Variants in SGCD observed in about 807,000 individuals in gnomAD.
The protein encoded by SGCD is delta-sarcoglycan.
A neutral mutation model predicts 36.6 loss-of-function variants in SGCD; 18 were observed. The ratio of observed to expected loss-of-function variants is 0.49; its 90% CI spans 0.34 to 0.73. The LOEUF (loss-of-function observed/expected upper bound fraction) is 0.73, where lower values mean the gene tolerates loss of function less well. Ranked by LOEUF, SGCD falls within the 30% of genes least tolerant of loss-of-function variation. SGCD has a pLI of 0.01. For synonymous variants in SGCD, 133 were observed against 130.6 expected, an observed-to-expected ratio of 1.02 and a Z score of -0.12; for missense variants, 387 against 346.7, an observed-to-expected ratio of 1.12 and a Z score of -0.92.
intron 3 of SGCD, among the ~76,000 whole-genome samples, chr5:156,455,752 G>T (rs1754230032): frequency 6.6e-6 from 1 of 152,198 alleles, no homozygotes; most frequent in South Asian, 2.1e-4. Flanking sequence ...AACTCCAGGT[G>T]GCTGAAATGT....
chr5:155,822,610 A>T, the SGCD span, among the ~76,000 whole-genome samples: 1 of 152,208 alleles, frequency 6.6e-6, no homozygotes, highest in Non-Finnish European at 1.5e-5. Context: ...TTGTATGGGA[A>T]ATGTGCAGAG....
At chr5:155,776,151 A>G in the SGCD span, among the ~76,000 whole-genome samples, 2 of 152,152 alleles carry the variant, frequency 1.3e-5, no homozygotes, top group Admixed American at 6.5e-5. Context: ...CAAAGGTGGC[A>G]ATTGGGCAGT....
chr5:155,891,079 G>A (rs1756118044), intron 1 of SGCD, among the ~76,000 whole-genome samples: 1 of 152,208 alleles, frequency 6.6e-6, no homozygotes. Context: ...CATGACATGT[G>A]TTGGAAGAGA....
At chr5:155,843,025 G>A in the SGCD span, among the ~76,000 whole-genome samples, 1 of 152,156 alleles carries the variant, frequency 6.6e-6, no homozygotes, top group Admixed American at 6.5e-5. Flanking sequence ...AGACACCTTG[G>A]AAACTGCATC....
chr5:156,299,794 G>GT (rs1439308442), intron 3 of SGCD, among the ~76,000 whole-genome samples: 1 of 152,104 alleles, frequency 6.6e-6, no homozygotes, highest in East Asian at 1.9e-4. Flanking sequence ...TGTATATCCT[G>GT]TAACTTTAAT....
intron 1 of SGCD, among the ~76,000 whole-genome samples, chr5:156,000,815 T>TATATATATATATATATATA (rs200807025): frequency 2.6e-5 from 4 of 151,610 alleles, no homozygotes; most frequent in African/African-American, 7.3e-5. Context: ...TATATATATA[T>TATATATATATATATATATA]TTTTGCCCTC....
At chr5:155,940,154 G>A (rs550708882) in intron 1 of SGCD, among the ~76,000 whole-genome samples, 2 of 152,200 alleles carry the variant, frequency 1.3e-5, no homozygotes, top group South Asian at 2.1e-4. Flanking sequence ...CTCATCTTAA[G>A]TTCTCTAGAT....
At chr5:156,546,072 C>CTCTA (rs761830597) in intron 4 of SGCD, among the ~76,000 whole-genome samples, 8 of 152,190 alleles carry the variant, frequency 5.3e-5, no homozygotes, top group Non-Finnish European at 1.0e-4. Flanking sequence ...ACACAGCACA[C>CTCTA]TCTATCTCCC....
chr5:156,096,857 C>A (rs1028555548), intron 1 of SGCD, among the ~76,000 whole-genome samples: 1 of 152,172 alleles, frequency 6.6e-6, no homozygotes, highest in African/African-American at 2.4e-5. Flanking sequence ...GTTTGGAGAA[C>A]TTCTTTTAGT....
chr5:155,869,766 C>T (rs1242031960), upstream of SGCD, among the ~76,000 whole-genome samples: 1 of 152,004 alleles, frequency 6.6e-6, no homozygotes, highest in Non-Finnish European at 1.5e-5. Context: ...TTTGAGAGGC[C>T]AAGGTGGGCG....
At chr5:155,872,330 T>C (rs977608267) in intron 1 of SGCD, among the ~76,000 whole-genome samples, 1 of 149,904 alleles carries the variant, frequency 6.7e-6, no homozygotes, top group Non-Finnish European at 1.5e-5. Context: ...GCCTTGCAAT[T>C]CAAGTGTTGT....
chr5:156,504,392 G>GTGTATATA (rs1413599402), intron 3 of SGCD, among the ~76,000 whole-genome samples: 1 of 75,070 alleles, frequency 1.3e-5, no homozygotes. Flanking sequence ...GTGTGTGTGT[G>GTGTATATA]TATATATATA....
intron 1 of SGCD, among the ~76,000 whole-genome samples, chr5:155,901,216 G>A (rs1756382491): frequency 6.6e-6 from 1 of 151,866 alleles, no homozygotes; most frequent in Middle Eastern, 3.4e-3. Context: ...GGAGGCTGAG[G>A]TAGAAGAATT....
intron 1 of SGCD, among the ~76,000 whole-genome samples, chr5:156,022,537 A>G (rs1244730420): frequency 6.6e-6 from 1 of 152,210 alleles, no homozygotes; most frequent in Non-Finnish European, 1.5e-5. Flanking sequence ...ATGAAAACAT[A>G]ACACATTTTA....
chr5:155,920,631 C>T (rs900892588), intron 1 of SGCD, among the ~76,000 whole-genome samples: 1 of 152,192 alleles, frequency 6.6e-6, no homozygotes, highest in Non-Finnish European at 1.5e-5. Context: ...CTGGATGGCA[C>T]ATCAGAGTCC....
At chr5:156,681,439 C>G (rs984974192) in intron 7 of SGCD, among the ~76,000 whole-genome samples, 2 of 152,194 alleles carry the variant, frequency 1.3e-5, no homozygotes, top group African/African-American at 4.8e-5. Context: ...GCTCTGCCAG[C>G]TGAAGTCTTT....
At position 156,735,425 on chromosome 5, in the gene SGCD, G is replaced by A. The variant is rs192086429; in HGVS notation, c.576-22156G>A. On this transcript the variant is annotated intron_variant, in intron 7 of 8. Coordinates refer to ENST00000337851, the MANE Select transcript of SGCD (RefSeq NM_000337.6). ...CCAGGGAGTTTTCAAATCTCTGTCA[G>A]CTGGAGAGCACTGGCAGGGGTGGCT... is the stretch of plus-strand genomic sequence containing the variant. Among the ~76,000 whole-genome samples, 7 of 152,282 alleles carry A rather than the reference G, an allele frequency of 4.6e-5. No homozygotes were observed. The East Asian group carries it at 1.4e-3, about 29-fold the overall frequency.
chr5:156,332,207 G>C (rs1768101384), intron 2 of SGCD, among the ~76,000 whole-genome samples: 1 of 152,192 alleles, frequency 6.6e-6, no homozygotes, highest in Admixed American at 6.5e-5. Flanking sequence ...ACAAACAGCA[G>C]GTCATAAACC....
chr5:156,639,756 C>T (rs944933061), intron 6 of SGCD, among the ~76,000 whole-genome samples: 1 of 152,096 alleles, frequency 6.6e-6, no homozygotes. Context: ...TAAACTGTTC[C>T]CTCCTTCTTG....
Sources: gnomAD v4.1 joint callset for allele counts (sites outside exome capture counted in the v4.1 genomes callset) on GRCh38, gnomAD v4.1.1 for gene constraint, MANE v1.5 for transcripts, NCBI Gene and HGNC (gene_info 2026-07-23, HGNC 2026-07-21) for gene names.